ITPKB: variants seen among roughly 807,000 people sequenced by gnomAD.
The protein encoded by ITPKB is inositol-trisphosphate 3-kinase B.
A neutral mutation model predicts 69.4 loss-of-function variants in ITPKB; 13 were observed. The observed-to-expected ratio is 0.19, with a 90% CI of 0.12 to 0.30. The LOEUF is 0.30. ITPKB is among the 10% of genes least tolerant of loss of function. The probability of loss-of-function intolerance (pLI) is 1.00; values close to 1 mark genes in which losing one functional copy is unlikely to be tolerated. For missense variants in ITPKB, 1,240 were observed against 1,250.5 expected (o/e 0.99, Z 0.13); for synonymous variants, 584 against 513.7 (o/e 1.14, Z -1.85).
chr1:226,651,733 T>C (rs1669198321), intron 2 of ITPKB, among the ~76,000 whole-genome samples: 1 of 152,114 alleles, frequency 6.6e-6, no homozygotes, highest in Non-Finnish European at 1.5e-5. Context: ...CTAAGAAACT[T>C]CCAGTTCTTG....
rs2102739337 is a variant in ITPKB, at chr1:226,639,567, T to C, written c.2543A>G (p.His848Arg). ...AGGTGCCAGACTCACCAGGATGTTA[T>C]GGTTTCCTTTAGTGAACTCTCTGAA... ...EAFREFTKGN[H>R]NILIAYRDRL... Residue 848 changes from histidine (H) to arginine (R), a missense_variant, in exon 6 of 8, where the codon CAT becomes CGT. Around this residue, in one of 2 missense-constraint regions of ITPKB, gnomAD observed 248 missense variants for 396.7 expected, o/e 0.63. Transcript: ENST00000429204. 6.2e-7 allele frequency: 1 copy of C among 1,607,130 alleles called. No individual in the cohort carries two copies. Among genetic ancestry groups the C allele is most frequent in the African/African-American group, 1.3e-5 (1 of 74,912 alleles).
intron 2 of ITPKB, among the ~76,000 whole-genome samples, chr1:226,681,208 G>A (rs116436675): frequency 2.6e-5 from 4 of 152,236 alleles, no homozygotes; most frequent in Admixed American, 6.5e-5. Context: ...TGCTGGTTCC[G>A]AGGCCAGATT....
At chr1:226,663,927 G>A (rs1187905195) in intron 2 of ITPKB, among the ~76,000 whole-genome samples, 3 of 152,226 alleles carry the variant, frequency 2.0e-5, no homozygotes, top group South Asian at 2.1e-4. Context: ...GATCTCCTAT[G>A]AGACAGGCAA....
chr1:226,737,302 C>G lies in ITPKB; in HGVS notation c.157G>C (p.Gly53Arg), dbSNP rs982138289. The change falls in exon 2 of 8, where the codon GGC (glycine) becomes CGC (arginine). Residue 53 changes from glycine to arginine, a missense_variant. Transcript: ENST00000429204. ...SPGSVFSPGR[G>R]ASFLFPPAES... Reference sequence around the variant, plus strand: ...GCTGGGGGGAAGAGGAAAGAGGCGCCTCTCCCGGGGCTGAAAACGCTGCCG... The same window carrying G: ...GCTGGGGGGAAGAGGAAAGAGGCGCGTCTCCCGGGGCTGAAAACGCTGCCG... The G allele has an allele frequency of 6.4e-7, 1 of 1,573,160 alleles. No individual in the cohort carries two copies. The highest frequency in any genetic ancestry group is 8.6e-7 in the Non-Finnish European group (1 of 1,166,744).
chr1:226,674,554 G>C (rs780655622), intron 2 of ITPKB, among the ~76,000 whole-genome samples: 84 of 152,058 alleles, frequency 5.5e-4, no homozygotes, highest in Non-Finnish European at 8.7e-4. Context: ...GGCTGGTCTC[G>C]AACTTCTGAC....
chr1:226,652,529 C>G (rs1335507566), intron 2 of ITPKB, among the ~76,000 whole-genome samples: 1 of 152,214 alleles, frequency 6.6e-6, no homozygotes, highest in African/African-American at 2.4e-5. Context: ...GGGAGATATT[C>G]AAGAGTGAGC....
Position 226,637,796 on chromosome 1 carries a change from G to T in ITPKB, c.2554-46C>A. 1.4e-6 allele frequency: 2 copies of T among 1,460,748 alleles called. No individual in the cohort carries two copies. The allele number at this position is 1,460,748 out of a possible 1,614,324, so 90.5% of individuals were successfully genotyped here. A position where few individuals can be genotyped will look rare whatever the true frequency, so the allele number is the denominator to read the frequency against. ...AGATTTTTAAGCGCCGCGTGGGGAA[G>T]GGCAGTGTCAGAACACCCATGCGGC... On this transcript the variant is annotated intron_variant, in intron 6 of 7. Transcript: ENST00000429204. This position sits in a 1 kb window ranked among gnomAD's most constrained non-coding sequence, Gnocchi z 4.3.
At chr1:226,643,801 G>A (rs1055151498) in intron 4 of ITPKB, among the ~76,000 whole-genome samples, 3 of 150,776 alleles carry the variant, frequency 2.0e-5, no homozygotes, top group African/African-American at 7.3e-5. Context: ...ACAACCATGT[G>A]CGCACATACA....
chr1:226,703,784 C>T (rs1486431113), intron 2 of ITPKB, among the ~76,000 whole-genome samples: 1 of 152,202 alleles, frequency 6.6e-6, no homozygotes, highest in Non-Finnish European at 1.5e-5. Flanking sequence ...CGCTGCTGGC[C>T]GCCAGCTTCC....
At chr1:226,638,608 C>A (rs1668887241) in intron 6 of ITPKB, among the ~76,000 whole-genome samples, 1 of 152,118 alleles carries the variant, frequency 6.6e-6, no homozygotes, top group Non-Finnish European at 1.5e-5. Flanking sequence ...GTGCTCTGGT[C>A]CCTGTGGGCA....
intron 2 of ITPKB, among the ~76,000 whole-genome samples, chr1:226,653,166 TGAAA>T (rs1669228577): frequency 6.6e-6 from 1 of 152,184 alleles, no homozygotes. Flanking sequence ...ATTTTACAGA[TGAAA>T]GAGTCTGAGG....
intron 2 of ITPKB, among the ~76,000 whole-genome samples, chr1:226,674,531 A>G (rs1054994865): frequency 3.3e-5 from 5 of 152,028 alleles, no homozygotes; most frequent in African/African-American, 1.2e-4. Context: ...ACGGGGTTTC[A>G]CTATGTTGGC....
rs755020532 is a variant in ITPKB, at chr1:226,737,171, G to A, written c.288C>T (p.Ser96=). The change falls in exon 2 of 8, where the codon AGC becomes AGT. Residue 96 remains serine (S), a synonymous_variant. Coordinates refer to ENST00000429204, the MANE Select transcript of ITPKB (RefSeq NM_002221.4). ...SGSGSGSSGS[S]VSSPSWAGRL... is the part of the protein sequence containing the mutation. Reference sequence around the variant, plus strand: ...GACCAGCCCAACTTGGGCTGCTCACGCTACTGCCGCTGCTGCCGCTGCCAC... The same window carrying A: ...GACCAGCCCAACTTGGGCTGCTCACACTACTGCCGCTGCTGCCGCTGCCAC... 2 of 1,579,144 alleles carry A rather than the reference G, an allele frequency of 1.3e-6. No homozygotes were observed. The highest frequency in any genetic ancestry group is 1.4e-5 in the African/African-American group (1 of 71,362).
chr1:226,674,324 G>A (rs577215250), intron 2 of ITPKB, among the ~76,000 whole-genome samples: 7 of 151,982 alleles, frequency 4.6e-5, no homozygotes, highest in South Asian at 2.1e-4. Context: ...CTCAGCCTCC[G>A]AGTAGCTGGG....
At chr1:226,677,058 G>T (rs2102770942) in intron 2 of ITPKB, among the ~76,000 whole-genome samples, 1 of 152,314 alleles carries the variant, frequency 6.6e-6, no homozygotes, top group Admixed American at 6.5e-5. Flanking sequence ...CCAGAGCCCA[G>T]GCTAGCTTGG....
chr1:226,695,341 A>C (rs890877194), intron 2 of ITPKB, among the ~76,000 whole-genome samples: 2 of 152,222 alleles, frequency 1.3e-5, no homozygotes, highest in Non-Finnish European at 2.9e-5. Flanking sequence ...CTAGGCCAAA[A>C]CCAATAATAA....
At chr1:226,672,684 G>A (rs1015314796) in intron 2 of ITPKB, among the ~76,000 whole-genome samples, 2 of 152,202 alleles carry the variant, frequency 1.3e-5, no homozygotes, top group African/African-American at 4.8e-5. Context: ...AAGGATCTCA[G>A]CAACAGGGAA....
chr1:226,634,909 G>C lies in ITPKB; in HGVS notation c.2626-23C>G, dbSNP rs1668797295. 2 of 1,591,834 alleles carry C rather than the reference G, an allele frequency of 1.3e-6. No individual in the cohort carries two copies. Among genetic ancestry groups the C allele is most frequent in the African/African-American group, 2.7e-5 (2 of 74,552 alleles). ...GACCTGAGGAGAACATGGGGGTGAA[G>C]GGTGAGCTGAAGCCCGGGCCTCGCC... is the stretch of plus-strand genomic sequence containing the variant. On this transcript the variant is annotated intron_variant, in intron 7 of 7. Coordinates refer to ENST00000429204, the MANE Select transcript of ITPKB (RefSeq NM_002221.4). This position sits in a 1 kb window ranked among gnomAD's most constrained non-coding sequence, Gnocchi z 6.3.
rs1266110977 is a variant in ITPKB, at chr1:226,736,860, C to T, written c.599G>A (p.Arg200Gln). 1.9e-6 allele frequency: 3 copies of T among 1,611,816 alleles called. No individual in the cohort carries two copies. Among genetic ancestry groups the T allele is most frequent in the Non-Finnish European group, 2.5e-6 (3 of 1,180,024 alleles). The change falls in exon 2 of 8, where the codon CGG becomes CAG. Residue 200 changes from arginine to glutamine, a missense_variant. Physicochemically the swap from Arg to Gln is conservative, Grantham distance 43 (BLOSUM62 1). Transcript: ENST00000429204. Reference sequence around the variant, plus strand: ...TTGCTCCCCCCAGGACTTTGTCCTCCGTTCCTCGCTCCGGGCGCCCTGAAC... The same window carrying T: ...TTGCTCCCCCCAGGACTTTGTCCTCTGTTCCTCGCTCCGGGCGCCCTGAAC... ...VLVQGARSEE[R>Q]RTKSWGEQCP...
Sources: gnomAD v4.1 joint callset for allele counts (sites outside exome capture counted in the v4.1 genomes callset) on GRCh38, gnomAD v4.1.1 for gene constraint, gnomAD v4.1.1 regional missense constraint, Gnocchi (gnomAD v3.1) non-coding constraint, MANE v1.5 for transcripts, NCBI Gene and HGNC (gene_info 2026-07-23, HGNC 2026-07-21) for gene names.